The following NUAK1 variants were observed in gnomAD, a reference collection of about 807,000 sequenced individuals.
NUAK1 encodes NUAK family SNF1-like kinase 1.
A neutral mutation model predicts 56.9 loss-of-function variants in NUAK1; 26 were observed. That is an observed-to-expected ratio of 0.46 (90% CI 0.33 to 0.63). The LOEUF is 0.63. Ranked by LOEUF, NUAK1 falls within the 30% of genes least tolerant of loss-of-function variation. NUAK1 has a pLI of 0.02. For synonymous variants in NUAK1, 337 were observed against 336.0 expected (o/e 1.00, Z -0.03); for missense variants, 727 against 876.1 (o/e 0.83, Z 2.15).
chr12:106,118,152 C>T (rs1169549700), intron 1 of NUAK1, among the ~76,000 whole-genome samples: 2 of 152,184 alleles, frequency 1.3e-5, no homozygotes, highest in Non-Finnish European at 2.9e-5. Context: ...CAATACCATG[C>T]TGTATGAATG....
intron 3 of NUAK1, among the ~76,000 whole-genome samples, chr12:106,086,191 A>C (rs2032568982): frequency 6.6e-6 from 1 of 152,256 alleles, no homozygotes; most frequent in South Asian, 2.1e-4. Context: ...ATCAGAAATT[A>C]GAAACAGTCT....
At chr12:106,126,677 T>C (rs568824456) in intron 1 of NUAK1, among the ~76,000 whole-genome samples, 51 of 152,320 alleles carry the variant, frequency 3.3e-4, no homozygotes, top group South Asian at 2.5e-3. Flanking sequence ...TCCCTCTAAG[T>C]GAGACTGCAA....
intron 3 of NUAK1, 31 bp from the exon 4 acceptor site, chr12:106,083,960 T>A (rs1050566925): frequency 1.3e-6 from 2 of 1,564,766 alleles, no homozygotes; most frequent in African/African-American, 2.7e-5. Flanking sequence ...GGGAATTGAA[T>A]GGGAGCGGCT....
At chr12:106,135,494 C>T (rs995106985) in intron 1 of NUAK1, among the ~76,000 whole-genome samples, 29 of 152,170 alleles carry the variant, frequency 1.9e-4, no homozygotes, top group African/African-American at 2.7e-4. Flanking sequence ...CAATTAAAAA[C>T]CATCACATCC....
intron 2 of NUAK1, among the ~76,000 whole-genome samples, chr12:106,090,764 C>A (rs1296514272): frequency 1.3e-5 from 2 of 152,208 alleles, no homozygotes; most frequent in African/African-American, 2.4e-5. Flanking sequence ...GGAAGCTGTG[C>A]TCATAATTAC....
intron 1 of NUAK1, among the ~76,000 whole-genome samples, chr12:106,134,533 G>C (rs2033110574): frequency 1.3e-5 from 2 of 152,202 alleles, no homozygotes; most frequent in African/African-American, 4.8e-5. Flanking sequence ...CCCCCCCAGG[G>C]ACCCTGCCTC....
At chr12:106,073,647 G>T (rs544734547) in intron 4 of NUAK1, among the ~76,000 whole-genome samples, 2 of 151,948 alleles carry the variant, frequency 1.3e-5, no homozygotes, top group Non-Finnish European at 2.9e-5. Flanking sequence ...GAAAAACCCC[G>T]TCTCTACTAA....
intron 6 of NUAK1, 109 bp downstream of exon 6, chr12:106,070,665 A>C: frequency 7.1e-7 from 1 of 1,401,666 alleles, no homozygotes; most frequent in East Asian, 2.3e-5. Context: ...AGAAAGAGGA[A>C]AACCAGGTGA....
intron 1 of NUAK1, among the ~76,000 whole-genome samples, chr12:106,120,884 C>A (rs1460297922): frequency 2.0e-4 from 30 of 152,156 alleles, no homozygotes; most frequent in African/African-American, 6.8e-4. Context: ...GATGGGGCCA[C>A]CTTCAGGAGA....
Position 106,067,071 on chromosome 12 carries a change from T to G in NUAK1, c.1717A>C (p.Ser573Arg). The G allele has an allele frequency of 6.2e-7, 1 of 1,614,160 alleles. No individual in the cohort carries two copies. The highest frequency in any genetic ancestry group is 8.5e-7 in the Non-Finnish European group (1 of 1,179,990). ...RSYSRPSSVI[S>R]DDSVLSSDSF... The stretch of plus-strand genomic sequence containing the variant: ...TCGCTGGACAGCACGCTGTCATCGC[T>G]GATGACACTGGAAGGGCGGCTGTAG... Residue 573 changes from serine to arginine, a missense_variant, in exon 7 of 7, where the codon AGC becomes CGC. Ser to Arg is a moderately radical substitution (Grantham distance 110). Transcript: ENST00000261402. The surrounding 1 kb of genome is among the most constrained non-coding windows in gnomAD (Gnocchi z 6.0).
At chr12:106,101,634 A>G (rs1244813810) in intron 2 of NUAK1, among the ~76,000 whole-genome samples, 1 of 152,188 alleles carries the variant, frequency 6.6e-6, no homozygotes, top group Non-Finnish European at 1.5e-5. Flanking sequence ...GTGAGAAAAT[A>G]TATTTCTGTT....
intron 1 of NUAK1, among the ~76,000 whole-genome samples, chr12:106,121,537 G>A (rs2032974793): frequency 6.6e-6 from 1 of 152,146 alleles, no homozygotes; most frequent in South Asian, 2.1e-4. Flanking sequence ...ATCACTTGAG[G>A]CCAAGCATTC....
intron 1 of NUAK1, among the ~76,000 whole-genome samples, chr12:106,126,617 A>T (rs1223002125): frequency 1.3e-5 from 2 of 152,226 alleles, no homozygotes; most frequent in Non-Finnish European, 2.9e-5. Context: ...GGTTAGCTTT[A>T]TTTGTTCATC....
At chr12:106,132,290 C>T (rs572844930) in intron 1 of NUAK1, among the ~76,000 whole-genome samples, 3 of 152,206 alleles carry the variant, frequency 2.0e-5, no homozygotes, top group Non-Finnish European at 2.9e-5. Context: ...GGAAAGATAA[C>T]GTACAACTTC....
At chr12:106,130,183 T>G (rs1442232294) in intron 1 of NUAK1, among the ~76,000 whole-genome samples, 1 of 152,198 alleles carries the variant, frequency 6.6e-6, no homozygotes, top group African/African-American at 2.4e-5. Flanking sequence ...GGTTTCACCA[T>G]GTTGGCCAGG....
intron 1 of NUAK1, among the ~76,000 whole-genome samples, chr12:106,132,225 T>C (rs1158585966): frequency 1.3e-5 from 2 of 152,228 alleles, no homozygotes; most frequent in African/African-American, 4.8e-5. Context: ...TAACCTGCCA[T>C]TCATTTTCAA....
At chr12:106,118,701 TG>T (rs1202155901) in intron 1 of NUAK1, among the ~76,000 whole-genome samples, 1 of 152,262 alleles carries the variant, frequency 6.6e-6, no homozygotes, top group African/African-American at 2.4e-5. Flanking sequence ...TCTGATGTAC[TG>T]TACACACAAA....
chr12:106,118,514 T>C (rs2032942162), intron 1 of NUAK1, among the ~76,000 whole-genome samples: 1 of 152,172 alleles, frequency 6.6e-6, no homozygotes, highest in Non-Finnish European at 1.5e-5. Context: ...TCGTGGAAGG[T>C]CTGGTCGGGG....
intron 1 of NUAK1, among the ~76,000 whole-genome samples, chr12:106,134,089 G>C (rs1243858221): frequency 3.9e-5 from 6 of 152,190 alleles, no homozygotes; most frequent in Non-Finnish European, 7.3e-5. Context: ...CAAGAATCGG[G>C]TTTCTAAGAT....
Sources: allele counts gnomAD v4.1 joint callset (sites outside exome capture counted in the v4.1 genomes callset), GRCh38; gene constraint gnomAD v4.1.1; non-coding constraint Gnocchi (gnomAD v3.1); transcripts MANE v1.5; gene names NCBI Gene and HGNC (gene_info 2026-07-23, HGNC 2026-07-21).